CSMD1: variants seen among roughly 807,000 people sequenced by gnomAD.
The protein encoded by CSMD1 is CUB and Sushi multiple domains 1.
CSMD1 carries 213 observed loss-of-function variants against 417.5 expected under a neutral mutation model. The ratio of observed to expected loss-of-function variants is 0.51; its 90% confidence interval spans 0.46 to 0.57. The LOEUF (loss-of-function observed/expected upper bound fraction) is 0.57. Among genes scored for constraint, CSMD1 ranks in the 20% least tolerant of loss-of-function variants. The probability of loss-of-function intolerance (pLI) is 0.00; values close to 1 mark genes in which losing one functional copy is unlikely to be tolerated. For missense variants in CSMD1, 6,923 were observed against 4,529.7 expected (o/e 1.53, Z -15.17); for synonymous variants, 2,862 against 1,736.8 (o/e 1.65, Z -16.11).
At chr8:4,345,925 GC>G (rs1454644004) in intron 3 of CSMD1, among the ~76,000 whole-genome samples, 1 of 151,982 alleles carries the variant, frequency 6.6e-6, no homozygotes, top group Non-Finnish European at 1.5e-5. Context: ...CAAGGGAGGG[GC>G]TTTTCTTCCT....
At chr8:3,886,100 G>C (rs1401434519) in intron 5 of CSMD1, among the ~76,000 whole-genome samples, 1 of 151,534 alleles carries the variant, frequency 6.6e-6, no homozygotes, top group Non-Finnish European at 1.5e-5. Context: ...GCCTATGCTG[G>C]AGCACAGTGC....
chr8:3,392,885 G>A (rs1811433585), intron 17 of CSMD1, among the ~76,000 whole-genome samples: 3 of 152,156 alleles, frequency 2.0e-5, no homozygotes, highest in African/African-American at 7.2e-5. Context: ...GAACATCTGA[G>A]CTGGTATTCA....
intron 37 of CSMD1, among the ~76,000 whole-genome samples, chr8:3,170,259 G>A (rs918625443): frequency 3.3e-5 from 5 of 152,156 alleles, no homozygotes; most frequent in African/African-American, 9.7e-5. Context: ...CCAGGCTGGA[G>A]TGCAGTGGTG....
chr8:4,908,487 G>A (rs897763587), intron 1 of CSMD1, among the ~76,000 whole-genome samples: 1 of 151,840 alleles, frequency 6.6e-6, no homozygotes, highest in African/African-American at 2.4e-5. Flanking sequence ...TGAATTTTAC[G>A]GTGTACCTTT....
intron 1 of CSMD1, among the ~76,000 whole-genome samples, chr8:4,707,839 A>G (rs1808040604): frequency 7.0e-6 from 1 of 142,874 alleles, no homozygotes; most frequent in Non-Finnish European, 1.5e-5. Flanking sequence ...GTGAACCAAG[A>G]TCGCACCATT....
chr8:3,637,841 G>C (rs1425184755), intron 7 of CSMD1, among the ~76,000 whole-genome samples: 3 of 152,144 alleles, frequency 2.0e-5, no homozygotes, highest in East Asian at 1.9e-4. Flanking sequence ...TTCTTGTGCT[G>C]TTCCTATGGT....
At chr8:4,438,899 G>T (rs138564498) in intron 2 of CSMD1, among the ~76,000 whole-genome samples, 1 of 152,178 alleles carries the variant, frequency 6.6e-6, no homozygotes, top group East Asian at 1.9e-4. Context: ...AAGACCAACG[G>T]AGTTTAAGTA....
intron 2 of CSMD1, among the ~76,000 whole-genome samples, chr8:4,629,067 G>A (rs1027973486): frequency 6.6e-6 from 1 of 152,094 alleles, no homozygotes; most frequent in Non-Finnish European, 1.5e-5. Context: ...GAGAGTTATT[G>A]ATAGTCTACA....
At chr8:4,918,215 C>A (rs774920799) in intron 1 of CSMD1, among the ~76,000 whole-genome samples, 2 of 152,130 alleles carry the variant, frequency 1.3e-5, no homozygotes, top group Admixed American at 6.6e-5. Context: ...TGATGCTGAT[C>A]GAGGGATCAA....
At chr8:4,920,965 AGAAAGAAAGAAAGAAACAAAGAAAGAAAG>A (rs1806433458) in intron 1 of CSMD1, among the ~76,000 whole-genome samples, 1 of 8,326 alleles carries the variant, frequency 1.2e-4, no homozygotes, top group Non-Finnish European at 4.2e-4. Flanking sequence ...AAAGAAAGAA[AGAAAGAAAGAAAGAAACAAAGAAAGAAAG>A]AAAAGAAAGA....
chr8:4,477,697 T>G (rs1273464884), intron 2 of CSMD1, among the ~76,000 whole-genome samples: 1 of 152,188 alleles, frequency 6.6e-6, no homozygotes, highest in Non-Finnish European at 1.5e-5. Flanking sequence ...AAGGATAGAC[T>G]GAAACAACCT....
Position 3,424,466 on chromosome 8 carries a change from G to A in CSMD1, c.1562-14861C>T, listed in dbSNP as rs181159705. On this transcript the variant is annotated intron_variant, in intron 12 of 69. Transcript: ENST00000635120. ...CTGTGTATTTATTCACTGTTTGTAT[G>A]CGAATATGTGTAACTTAATGATTGT... Among the ~76,000 whole-genome samples, 191 of 152,292 alleles carry A rather than the reference G, an allele frequency of 1.3e-3. 1 individual carries two copies. The highest frequency in any genetic ancestry group is 2.7e-3 in the Admixed American group (41 of 15,292).
chr8:3,366,933 GCACACATTACACACACACACACACCCA>G (rs1809611570), intron 20 of CSMD1, 72 bp downstream of exon 20: 3 of 927,644 alleles, frequency 3.2e-6, no homozygotes, highest in Non-Finnish European at 5.1e-6. Context: ...ACACACGGAT[GCACACATTACACACACACACACACCCA>G]CACACATTCT....
intron 68 of CSMD1, among the ~76,000 whole-genome samples, chr8:2,942,857 A>G (rs2128913961): frequency 6.6e-6 from 1 of 152,342 alleles, no homozygotes; most frequent in South Asian, 2.1e-4. Flanking sequence ...GAGAAAGGCA[A>G]AAGGGTCAGT....
intron 3 of CSMD1, among the ~76,000 whole-genome samples, chr8:4,092,750 AAT>A (rs1194259394): frequency 6.6e-6 from 1 of 152,088 alleles, no homozygotes; most frequent in Admixed American, 6.5e-5. Flanking sequence ...ATTTTCTTTA[AAT>A]ATAACTTTTA....
chr8:3,184,452 A>G (rs553968352), intron 36 of CSMD1, among the ~76,000 whole-genome samples: 1 of 152,312 alleles, frequency 6.6e-6, no homozygotes, highest in African/African-American at 2.4e-5. Context: ...CATGCAAAAT[A>G]TGACTGTGAC....
chr8:3,579,732 G>A (rs1050744150), intron 9 of CSMD1, among the ~76,000 whole-genome samples: 2 of 152,120 alleles, frequency 1.3e-5, no homozygotes, highest in African/African-American at 4.8e-5. Context: ...TATTTAATTA[G>A]AATAATCATA....
intron 10 of CSMD1, among the ~76,000 whole-genome samples, chr8:3,559,251 G>C (rs1222724266): frequency 1.3e-5 from 2 of 152,144 alleles, no homozygotes; most frequent in Non-Finnish European, 2.9e-5. Flanking sequence ...CCAATTCAAA[G>C]AATTTGTCCT....
Position 4,188,106 on chromosome 8 carries a change from G to A in CSMD1, c.416-156007C>T, listed in dbSNP as rs74841776. On this transcript the variant is annotated intron_variant, in intron 3 of 69. Transcript: ENST00000635120. ...TGACTGCTGGCAGGATGCACGACAT[G>A]TAATTAAAAACATAGGTTTTAAGGT... 3.9e-5 allele frequency among the ~76,000 whole-genome samples: 6 copies of A among 152,228 alleles called. No individual in the cohort carries two copies. In the South Asian group the frequency reaches 1.2e-3, roughly 32 times the overall value.
Sources: gnomAD v4.1 joint callset for allele counts (sites outside exome capture counted in the v4.1 genomes callset) on GRCh38, gnomAD v4.1.1 for gene constraint, MANE v1.5 for transcripts, NCBI Gene and HGNC (gene_info 2026-07-23, HGNC 2026-07-21) for gene names.